SHROOM3: variants seen among roughly 807,000 people sequenced by gnomAD.
SHROOM3 encodes the protein shroom family member 3.
SHROOM3 carries 47 observed loss-of-function variants against 138.6 expected under a neutral mutation model. The ratio of observed to expected loss-of-function variants is 0.34; its 90% CI spans 0.27 to 0.43. SHROOM3 has a LOEUF of 0.43. Among genes scored for constraint, SHROOM3 ranks in the 20% least tolerant of loss-of-function variants. The pLI, the probability that SHROOM3 is intolerant of heterozygous loss-of-function variation, is 1.00. For missense variants in SHROOM3, 2,491 were observed against 2,596.5 expected (o/e 0.96, Z 0.88); for synonymous variants, 1,062 against 1,063.3 (o/e 1.00, Z 0.02).
chr4:76,740,144 G>A lies in SHROOM3; in HGVS notation c.1971G>A (p.Lys657=). 6.2e-7 allele frequency: 1 copy of A among 1,613,914 alleles called. No individual in the cohort carries two copies. Among genetic ancestry groups the A allele is most frequent in the Admixed American group, 1.7e-5 (1 of 60,032 alleles). ...LGQSLSGNFG[K]TKSAFSSLQN... ...AGAGCCTGTCAGGCAACTTTGGCAA[G>A]ACCAAGTCAGCCTTCTCATCTCTCC... Residue 657 remains lysine (K), a synonymous_variant, in exon 5 of 11, where the codon AAG becomes AAA. Coordinates refer to ENST00000296043, the MANE Select transcript of SHROOM3 (RefSeq NM_020859.4). This position sits in a 1 kb window ranked among gnomAD's most constrained non-coding sequence, Gnocchi z 4.0.
intron 1 of SHROOM3, among the ~76,000 whole-genome samples, chr4:76,518,258 G>T (rs1732485112): frequency 6.6e-6 from 1 of 151,878 alleles, no homozygotes; most frequent in Non-Finnish European, 1.5e-5. Context: ...AATTCTTTAG[G>T]CATTTAACCC....
chr4:76,568,724 A>G (rs1035943880), intron 2 of SHROOM3, among the ~76,000 whole-genome samples: 2 of 152,188 alleles, frequency 1.3e-5, no homozygotes, highest in Non-Finnish European at 2.9e-5. Flanking sequence ...CTCAAGTCTC[A>G]CTGGAATAGG....
intron 4 of SHROOM3, among the ~76,000 whole-genome samples, chr4:76,732,068 G>C (rs1720902994): frequency 1.3e-5 from 2 of 152,156 alleles, no homozygotes; most frequent in African/African-American, 4.8e-5. Context: ...AGAGAACTAA[G>C]CCAGGACTCC....
chr4:76,749,592 G>A (rs948106991), intron 6 of SHROOM3, among the ~76,000 whole-genome samples: 1 of 152,194 alleles, frequency 6.6e-6, no homozygotes, highest in Non-Finnish European at 1.5e-5. Context: ...TGACCACAGT[G>A]CTAGGGAAGA....
chr4:76,581,844 C>T (rs1560553352), intron 2 of SHROOM3, among the ~76,000 whole-genome samples: 1 of 152,178 alleles, frequency 6.6e-6, no homozygotes, highest in Non-Finnish European at 1.5e-5. Flanking sequence ...GTGAACCCCA[C>T]GAAGTTCATT....
chr4:76,604,407 A>G (rs1173582569), intron 2 of SHROOM3, among the ~76,000 whole-genome samples: 3 of 152,180 alleles, frequency 2.0e-5, no homozygotes, highest in African/African-American at 7.2e-5. Flanking sequence ...ATGGTTTTGC[A>G]GCTTTGGGTT....
intron 2 of SHROOM3, among the ~76,000 whole-genome samples, chr4:76,564,311 T>C (rs2110034300): frequency 6.6e-6 from 1 of 152,316 alleles, no homozygotes; most frequent in African/African-American, 2.4e-5. Flanking sequence ...TTTTTCCACT[T>C]GAGCAAGTGG....
At chr4:76,734,973 A>G (rs1410939116) in intron 4 of SHROOM3, among the ~76,000 whole-genome samples, 1 of 152,080 alleles carries the variant, frequency 6.6e-6, no homozygotes, top group Non-Finnish European at 1.5e-5. Flanking sequence ...GGTGAAGAGC[A>G]CTCCGGGTGG....
intron 2 of SHROOM3, among the ~76,000 whole-genome samples, chr4:76,693,097 C>T (rs1428697574): frequency 6.6e-6 from 1 of 152,144 alleles, no homozygotes. Context: ...AAATAAATAC[C>T]TCTGAGCTGC....
chr4:76,660,406 A>G (rs1306609140), intron 2 of SHROOM3, among the ~76,000 whole-genome samples: 2 of 152,136 alleles, frequency 1.3e-5, no homozygotes, highest in African/African-American at 4.8e-5. Context: ...AGCTACCCCT[A>G]GGAGAGAGTC....
chr4:76,549,557 C>T (rs979219014), intron 1 of SHROOM3, among the ~76,000 whole-genome samples: 3 of 151,992 alleles, frequency 2.0e-5, no homozygotes, highest in African/African-American at 7.3e-5. Context: ...TTAGTAGAGA[C>T]GGGGTTTCAC....
intron 2 of SHROOM3, among the ~76,000 whole-genome samples, chr4:76,695,136 A>T (rs1167859486): frequency 6.6e-6 from 1 of 152,150 alleles, no homozygotes; most frequent in African/African-American, 2.4e-5. Context: ...TTAAATGGTT[A>T]ATGGGTCTAC....
intron 2 of SHROOM3, among the ~76,000 whole-genome samples, chr4:76,620,712 G>T (rs530735471): frequency 3.3e-5 from 5 of 152,276 alleles, no homozygotes; most frequent in South Asian, 2.1e-4. Flanking sequence ...GGCGGAAAGG[G>T]CAGGGGGCTG....
chr4:76,516,225 G>A (rs891629890), intron 1 of SHROOM3, among the ~76,000 whole-genome samples: 6 of 152,104 alleles, frequency 3.9e-5, no homozygotes, highest in African/African-American at 4.8e-5. Context: ...TCTCTTCTCC[G>A]TCATTTCTCC....
At position 76,741,212 on chromosome 4, in the gene SHROOM3, C is replaced by G; in HGVS notation, c.3039C>G (p.Pro1013=). Residue 1013 remains proline (P), a synonymous_variant, in exon 5 of 11, where the codon CCC becomes CCG. Transcript: ENST00000296043. The surrounding 1 kb of genome is among the most constrained non-coding windows in gnomAD (Gnocchi z 6.2). ...ARRGARRRLT[P]EQKKRSYSEP... Reference sequence around the variant, plus strand: ...GAGGTGCTCGCCGGCGCCTGACTCCCGAGCAGAAGAAGCGCTCCTACTCGG... The same window carrying G: ...GAGGTGCTCGCCGGCGCCTGACTCCGGAGCAGAAGAAGCGCTCCTACTCGG... 1.2e-6 allele frequency: 2 copies of G among 1,607,790 alleles called. No individual in the cohort carries two copies. The highest frequency in any genetic ancestry group is 1.7e-6 in the Non-Finnish European group (2 of 1,177,862).
intron 2 of SHROOM3, among the ~76,000 whole-genome samples, chr4:76,598,057 G>C (rs1362970649): frequency 7.1e-6 from 1 of 140,814 alleles, no homozygotes; most frequent in Non-Finnish European, 1.5e-5. Flanking sequence ...ATGGAGTCTT[G>C]CTCTGTTGCC....
intron 1 of SHROOM3, among the ~76,000 whole-genome samples, chr4:76,540,859 T>C (rs953602596): frequency 2.6e-5 from 4 of 152,182 alleles, no homozygotes; most frequent in African/African-American, 7.2e-5. Flanking sequence ...ATGAATCTGA[T>C]GAAGAAAGAG....
intron 2 of SHROOM3, among the ~76,000 whole-genome samples, chr4:76,569,249 G>C (rs78585700): frequency 6.7e-6 from 1 of 148,180 alleles, no homozygotes; most frequent in Non-Finnish European, 1.5e-5. Flanking sequence ...CAATTTGTCA[G>C]GGGGGGAAAT....
At chr4:76,466,726 T>C (rs1205109676) in intron 1 of SHROOM3, among the ~76,000 whole-genome samples, 2 of 152,060 alleles carry the variant, frequency 1.3e-5, no homozygotes, top group African/African-American at 4.8e-5. Flanking sequence ...CAAAAAATAC[T>C]CAGACTAAAC....
Sources: gnomAD v4.1 joint callset for allele counts (sites outside exome capture counted in the v4.1 genomes callset) on GRCh38, gnomAD v4.1.1 for gene constraint, Gnocchi (gnomAD v3.1) non-coding constraint, MANE v1.5 for transcripts, NCBI Gene and HGNC (gene_info 2026-07-23, HGNC 2026-07-21) for gene names.